MCM3AP: variants seen among roughly 807,000 people sequenced by gnomAD.
MCM3AP encodes minichromosome maintenance complex component 3 associated protein.
MCM3AP carries 126 observed loss-of-function variants against 184.1 expected under a neutral mutation model. The observed-to-expected ratio is 0.68, with a 90% CI of 0.59 to 0.79. The LOEUF (loss-of-function observed/expected upper bound fraction) is 0.79. MCM3AP is among the 30% of genes least tolerant of loss of function. The pLI is 0.00. For missense variants in MCM3AP, 2,496 were observed against 2,479.2 expected (o/e 1.01, Z -0.14); for synonymous variants, 1,002 against 979.3 (o/e 1.02, Z -0.43).
At chr21:46,280,655 A>G in intron 2 of MCM3AP, 80 bp from the exon 3 acceptor site, 1 of 927,402 alleles carries the variant, frequency 1.1e-6, no homozygotes, top group Non-Finnish European at 1.8e-6. Context: ...AAATGCAGTA[A>G]GCACAACAGA....
At chr21:46,269,965 C>T (rs912397642) in intron 9 of MCM3AP, among the ~76,000 whole-genome samples, 15 of 152,336 alleles carry the variant, frequency 9.8e-5, no homozygotes, top group Admixed American at 7.8e-4. Context: ...GCAACCCTAG[C>T]ACACGGCAAA....
In MCM3AP at chr21:46,243,734, G is replaced by T; in HGVS notation, c.5039-12C>A. On this transcript the variant is annotated splice_polypyrimidine_tract_variant and intron_variant, in intron 23 of 27. Transcript: ENST00000291688. ...GGGGAGCCAGGGGGCTGGGGAGAAA[G>T]TGCCTCATTAGTTACAGGTTTGGCC... is the stretch of plus-strand genomic sequence containing the variant. 2 of 1,612,860 alleles carry T rather than the reference G, an allele frequency of 1.2e-6. No individual in the cohort carries two copies. The highest frequency in any genetic ancestry group is 1.7e-6 in the Non-Finnish European group (2 of 1,179,578).
intron 2 of MCM3AP, among the ~76,000 whole-genome samples, chr21:46,283,308 C>T (rs1352916122): frequency 6.6e-6 from 1 of 152,216 alleles, no homozygotes; most frequent in African/African-American, 2.4e-5. Flanking sequence ...CCAAAAAACT[C>T]AACTTCCAAA....
chr21:46,256,918 C>T lies in MCM3AP; in HGVS notation c.3803G>A (p.Cys1268Tyr). The change falls in exon 17 of 28, where the codon TGC becomes TAC. Residue 1268 changes from cysteine (C) to tyrosine (Y), a missense_variant. Physicochemically the swap from Cys to Tyr is radical, Grantham distance 194 (BLOSUM62 -2). Around this residue, in one of 5 missense-constraint regions of MCM3AP, gnomAD observed 1,323 missense variants for 1,273.4 expected, o/e 1.04. Coordinates refer to ENST00000291688, the MANE Select transcript of MCM3AP (RefSeq NM_003906.5). ...RQMRAFPAAP[C>Y]CVDVSDRLRA... ...CAGCCGGTCGCTCACGTCCACGCAGCAGGGCGCAGCAGGGAAAGCCCGCAT... is the reference window on the plus strand; with the variant it reads ...CAGCCGGTCGCTCACGTCCACGCAGTAGGGCGCAGCAGGGAAAGCCCGCAT... The T allele has an allele frequency of 6.2e-7, 1 of 1,611,252 alleles. No individual in the cohort carries two copies. The highest frequency in any genetic ancestry group is 1.1e-5 in the South Asian group (1 of 90,318).
chr21:46,273,350 G>A lies in MCM3AP; in HGVS notation c.2196+38C>T, dbSNP rs753748728. The A allele has an allele frequency of 8.3e-6, 13 of 1,572,290 alleles. No homozygotes were observed. The Admixed American group carries it at 8.4e-5, about 10-fold the overall frequency. On this transcript the variant is annotated intron_variant, in intron 7 of 27. Transcript: ENST00000291688. Reference sequence around the variant, plus strand: ...ATATCAGTTTGACTTTGGAATTTGCGTGGATTTTTTAGCATCCAGGTTGGA... The same window carrying A: ...ATATCAGTTTGACTTTGGAATTTGCATGGATTTTTTAGCATCCAGGTTGGA...
chr21:46,243,789 A>G (rs1240660008), intron 23 of MCM3AP, 67 bp from the exon 24 acceptor site: 2 of 1,528,562 alleles, frequency 1.3e-6, no homozygotes, highest in South Asian at 1.2e-5. Flanking sequence ...ACATGAAAAC[A>G]TTTTCTCAGG....
chr21:46,274,938 C>CAAAAAA (rs35282554), intron 6 of MCM3AP, among the ~76,000 whole-genome samples: 3 of 97,030 alleles, frequency 3.1e-5, no homozygotes, highest in Admixed American at 2.3e-4. Flanking sequence ...GACCCTGTCT[C>CAAAAAA]AAAAAAAAAA....
intron 9 of MCM3AP, among the ~76,000 whole-genome samples, chr21:46,268,916 C>A (rs1234185478): frequency 6.6e-6 from 1 of 151,892 alleles, no homozygotes; most frequent in Non-Finnish European, 1.5e-5. Flanking sequence ...CTCCTGTAGT[C>A]CCAGCTACTG....
rs752179890 is a variant in MCM3AP at position 46,277,697 on chromosome 21, C to G, written c.1688G>C (p.Ser563Thr). ...LNKSSPVKKP[S>T]LLKAHQFEGD... ...CTCGAATTGGTGGGCCTTTAGAAGA[C>G]TTGGCTTCTTCACTGGAGAGCTATA... The change falls in exon 5 of 28, where the codon AGT becomes ACT. Residue 563 changes from serine (S) to threonine (T), a missense_variant. Physicochemically the swap from Ser to Thr is moderately conservative, Grantham distance 58. This residue lies in a region of MCM3AP where 800 missense variants were observed against 717.1 expected (regional missense o/e 1.12). Coordinates refer to ENST00000291688, the MANE Select transcript of MCM3AP (RefSeq NM_003906.5). 1 of 1,592,358 alleles carries G rather than the reference C, an allele frequency of 6.3e-7. No homozygotes were observed. Among genetic ancestry groups the G allele is most frequent in the Non-Finnish European group, 8.6e-7 (1 of 1,169,516 alleles).
rs1017521087 is a variant in MCM3AP at position 46,277,701 on chromosome 21, G to A, written c.1684C>T (p.Pro562Ser). Reference sequence around the variant, plus strand: ...AATTGGTGGGCCTTTAGAAGACTTGGCTTCTTCACTGGAGAGCTATAAAGT... The same window carrying A: ...AATTGGTGGGCCTTTAGAAGACTTGACTTCTTCACTGGAGAGCTATAAAGT... ...LLNKSSPVKK[P>S]SLLKAHQFEG... The change falls in exon 5 of 28, where the codon CCA (proline) becomes TCA (serine). Residue 562 changes from proline (P) to serine (S), a missense_variant. By Grantham distance (74) the Pro-to-Ser change is moderately conservative (BLOSUM62 -1). Coordinates refer to ENST00000291688, the MANE Select transcript of MCM3AP (RefSeq NM_003906.5). 8.8e-6 allele frequency: 14 copies of A among 1,590,038 alleles called. No individual in the cohort carries two copies. The highest frequency in any genetic ancestry group is 1.2e-5 in the Non-Finnish European group (14 of 1,168,174).
chr21:46,263,999 A>G, intron 13 of MCM3AP, 118 bp downstream of exon 13: 4 of 609,756 alleles, frequency 6.6e-6, no homozygotes, highest in South Asian at 4.3e-5. Context: ...GTATCTGGCA[A>G]TAACTTATTG....
At chr21:46,256,656 T>A in intron 17 of MCM3AP, 133 bp downstream of exon 17, 1 of 1,152,102 alleles carries the variant, frequency 8.7e-7, no homozygotes, top group Non-Finnish European at 1.2e-6. Flanking sequence ...TGTCCTCGCC[T>A]CCAGGCTTCA....
chr21:46,238,437 G>A (rs1206916124), intron 26 of MCM3AP, among the ~76,000 whole-genome samples: 1 of 120,800 alleles, frequency 8.3e-6, no homozygotes, highest in East Asian at 2.2e-4. Context: ...GCCAGGTGCA[G>A]TGGCTCATGC....
At position 46,256,936 on chromosome 21, in the gene MCM3AP, G is replaced by A. The variant is rs2080961671; in HGVS notation, c.3785C>T (p.Ala1262Val). ...CACGCAGCAGGGCGCAGCAGGGAAA[G>A]CCCGCATTTGGCGCCTCAGTTTCTT... ...ARKKLRRQMR[A>V]FPAAPCCVDV... The change falls in exon 17 of 28, where the codon GCT (alanine) becomes GTT (valine). Residue 1262 changes from alanine to valine, a missense_variant. Ala to Val is a moderately conservative substitution (Grantham distance 64). This residue lies in a region of MCM3AP where 1,323 missense variants were observed against 1,273.4 expected (regional missense o/e 1.04). Transcript: ENST00000291688. 1.2e-6 allele frequency: 2 copies of A among 1,612,368 alleles called. No individual in the cohort carries two copies. The highest frequency in any genetic ancestry group is 1.1e-5 in the South Asian group (1 of 90,586).
chr21:46,235,484 C>A (rs183310469), intron 27 of MCM3AP, 58 bp from the exon 28 acceptor site: 3 of 1,453,568 alleles, frequency 2.1e-6, no homozygotes, highest in Admixed American at 1.7e-5. Flanking sequence ...CACGACCTAT[C>A]TCTGGGAAGG....
chr21:46,274,915 G>C (rs140386726), intron 6 of MCM3AP, among the ~76,000 whole-genome samples: 3 of 141,638 alleles, frequency 2.1e-5, no homozygotes, highest in Non-Finnish European at 3.0e-5. Context: ...CTTCAGCCTA[G>C]GTGACAGAGT....
Position 46,267,011 on chromosome 21 carries a change from G to A in MCM3AP, c.2760C>T (p.Leu920=), listed in dbSNP as rs991140578. 2 of 1,614,104 alleles carry A rather than the reference G, an allele frequency of 1.2e-6. No individual in the cohort carries two copies. Among genetic ancestry groups the A allele is most frequent in the African/African-American group, 1.3e-5 (1 of 74,952 alleles). Residue 920 remains leucine, a synonymous_variant, in exon 10 of 28, where the codon CTC becomes CTT. Coordinates refer to ENST00000291688, the MANE Select transcript of MCM3AP (RefSeq NM_003906.5). ...CGGAAACGGTGAGGCCGTGGCAGGT[G>A]AGGAAGTCGGTGGCCTCTTCACAGT... is the stretch of plus-strand genomic sequence containing the variant. ...FRDCEEATDF[L]TCHGLTVSDG...
chr21:46,269,771 G>A (rs1240023896), intron 9 of MCM3AP, among the ~76,000 whole-genome samples: 1 of 152,194 alleles, frequency 6.6e-6, no homozygotes, highest in Non-Finnish European at 1.5e-5. Flanking sequence ...GCGGTGGGCC[G>A]CGGTCCTGGT....
At chr21:46,280,813 T>C (rs534286716) in intron 2 of MCM3AP, among the ~76,000 whole-genome samples, 37 of 52,544 alleles carry the variant, frequency 7.0e-4, no homozygotes, top group South Asian at 2.6e-3. Flanking sequence ...TCTTTCCCCC[T>C]TTTTTTTTTT....
Sources: allele counts gnomAD v4.1 joint callset (sites outside exome capture counted in the v4.1 genomes callset), GRCh38; gene constraint gnomAD v4.1.1; regional missense constraint gnomAD v4.1.1; transcripts MANE v1.5; gene names NCBI Gene and HGNC (gene_info 2026-07-23, HGNC 2026-07-21).